NTRK2: variants seen among roughly 807,000 people sequenced by gnomAD.
NTRK2 encodes the protein BDNF/NT-3 growth factors receptor.
In NTRK2, 13 loss-of-function variants were observed where a neutral mutation model predicts 94.5. That is an observed-to-expected ratio of 0.14 (90% CI 0.09 to 0.22). The LOEUF (loss-of-function observed/expected upper bound fraction) is 0.22, where lower values mean the gene tolerates loss of function less well. NTRK2 is among the 10% of genes least tolerant of loss of function. NTRK2 has a pLI of 1.00. For synonymous variants in NTRK2, 372 were observed against 407.4 expected, an observed-to-expected ratio of 0.91 and a Z score of 1.05; for missense variants, 639 against 1,071.2, an observed-to-expected ratio of 0.60 and a Z score of 5.63.
intron 12 of NTRK2, chr9:84,810,862 A>G: frequency 1.6e-6 from 2 of 1,268,886 alleles, no homozygotes; most frequent in Non-Finnish European, 2.0e-6. Flanking sequence ...AGTAGTTCAA[A>G]TACAAAACTG....
chr9:84,674,183 T>A (rs1483441178), intron 2 of NTRK2, among the ~76,000 whole-genome samples: 1 of 152,198 alleles, frequency 6.6e-6, no homozygotes, highest in Non-Finnish European at 1.5e-5. Flanking sequence ...TGTGTATCCA[T>A]GTTGCTGTGG....
intron 9 of NTRK2, among the ~76,000 whole-genome samples, chr9:84,735,420 T>C (rs2063187528): frequency 6.6e-6 from 1 of 152,172 alleles, no homozygotes; most frequent in African/African-American, 2.4e-5. Flanking sequence ...GTACTGCTGG[T>C]CCATGGATCA....
At chr9:84,873,876 A>G in intron 14 of NTRK2, 1 of 1,060,962 alleles carries the variant, frequency 9.4e-7, no homozygotes. Flanking sequence ...AAAAACAAAA[A>G]TAAAGATTAT....
intron 12 of NTRK2, among the ~76,000 whole-genome samples, chr9:84,857,680 T>C (rs2075133064): frequency 6.6e-6 from 1 of 152,214 alleles, no homozygotes; most frequent in South Asian, 2.1e-4. Context: ...TAAACAGAAC[T>C]TAGACATAGT....
intron 2 of NTRK2, among the ~76,000 whole-genome samples, chr9:84,688,448 C>T (rs1166559099): frequency 6.6e-6 from 1 of 152,120 alleles, no homozygotes; most frequent in Non-Finnish European, 1.5e-5. Context: ...GTGCCCCACC[C>T]TCTCTTCAGG....
chr9:84,753,857 AC>A (rs2064849075), intron 12 of NTRK2, among the ~76,000 whole-genome samples: 1 of 152,152 alleles, frequency 6.6e-6, no homozygotes, highest in Admixed American at 6.5e-5. Context: ...GAGAGGATAT[AC>A]CCAGGTTCTT....
intron 2 of NTRK2, among the ~76,000 whole-genome samples, chr9:84,696,812 G>A (rs1336436422): frequency 1.3e-5 from 2 of 152,080 alleles, no homozygotes; most frequent in African/African-American, 4.8e-5. Flanking sequence ...GGAGGGTCCT[G>A]GGATAGATTT....
At chr9:84,702,106 G>A (rs1482622805) in intron 2 of NTRK2, 53 bp from the exon 3 acceptor site, 2 of 1,530,424 alleles carry the variant, frequency 1.3e-6, no homozygotes, top group Non-Finnish European at 1.8e-6. Flanking sequence ...GTTCTTCATG[G>A]TGCTGCTGCC....
chr9:84,730,771 A>C (rs1303410581), intron 9 of NTRK2, among the ~76,000 whole-genome samples: 7 of 108,894 alleles, frequency 6.4e-5, no homozygotes, highest in Non-Finnish European at 1.1e-4. Context: ...CTAAAGAAAA[A>C]TAAACAAATA....
At chr9:84,759,042 T>C (rs1358539789) in intron 12 of NTRK2, among the ~76,000 whole-genome samples, 1 of 152,160 alleles carries the variant, frequency 6.6e-6, no homozygotes, top group Non-Finnish European at 1.5e-5. Context: ...ATCTCAGCAC[T>C]CTCTTAAGAG....
In NTRK2 at chr9:84,707,074, C is replaced by G. The variant is rs532835557; in HGVS notation, c.360-770C>G. 2.6e-5 allele frequency among the ~76,000 whole-genome samples: 4 copies of G among 152,270 alleles called. No homozygotes were observed. In the East Asian group the frequency reaches 5.8e-4, roughly 22 times the overall value. Reference sequence around the variant, plus strand: ...TGAGTCGGCTGCCAGGGTTATGGCTCTGAGTTTCCTACCCCAAAATCTCAT... The same window carrying G: ...TGAGTCGGCTGCCAGGGTTATGGCTGTGAGTTTCCTACCCCAAAATCTCAT... On this transcript the variant is annotated intron_variant, in intron 4 of 18. Transcript: ENST00000277120.
At chr9:84,890,086 C>G (rs1418489102) in intron 14 of NTRK2, among the ~76,000 whole-genome samples, 1 of 152,176 alleles carries the variant, frequency 6.6e-6, no homozygotes, top group Admixed American at 6.5e-5. Context: ...TTCTTTAGTT[C>G]TTTTGCATCT....
rs114701463 is a variant in NTRK2, at chr9:84,931,020, T to C, written c.1634-3142T>C. 9.6e-3 allele frequency among the ~76,000 whole-genome samples: 1,456 copies of C among 152,292 alleles called. 23 individuals are homozygous for C. Among genetic ancestry groups the C allele is most frequent in the African/African-American group, 0.032 (1,350 of 41,554 alleles). On this transcript the variant is annotated intron_variant, in intron 14 of 18. Transcript: ENST00000277120. Reference sequence around the variant, plus strand: ...TATTAAACATATTTTTTCACAGATATTTATAAATCACCAATTGTATGCACA... The same window carrying C: ...TATTAAACATATTTTTTCACAGATACTTATAAATCACCAATTGTATGCACA...
intron 17 of NTRK2, among the ~76,000 whole-genome samples, chr9:84,990,386 C>G (rs567159416): frequency 3.3e-5 from 5 of 152,164 alleles, no homozygotes; most frequent in Admixed American, 2.6e-4. Context: ...ACAAATAAGG[C>G]TTTTCTCTGC....
chr9:84,949,896 A>C (rs1385947068), intron 16 of NTRK2, among the ~76,000 whole-genome samples: 1 of 152,216 alleles, frequency 6.6e-6, no homozygotes, highest in East Asian at 1.9e-4. Flanking sequence ...ATCTGGGAAG[A>C]AAGGTCAAGT....
intron 12 of NTRK2, among the ~76,000 whole-genome samples, chr9:84,791,757 A>G (rs1002696030): frequency 6.6e-6 from 1 of 152,242 alleles, no homozygotes; most frequent in East Asian, 1.9e-4. Flanking sequence ...TAGAGATTAG[A>G]ATCTCATAGT....
intron 12 of NTRK2, among the ~76,000 whole-genome samples, chr9:84,837,114 ATGTTACT>A (rs1355239925): frequency 1.7e-4 from 26 of 151,986 alleles, no homozygotes; most frequent in African/African-American, 5.8e-4. Flanking sequence ...ATAAGAAGAA[ATGTTACT>A]TGTTATTTTA....
In NTRK2 at chr9:84,866,652, T is replaced by C. The variant is rs2075609218; in HGVS notation, c.1445-591T>C. On this transcript the variant is annotated intron_variant, in intron 13 of 18. Coordinates refer to ENST00000277120, the MANE Select transcript of NTRK2 (RefSeq NM_006180.6). ...GGAATATAAAATGGTGCAGCCACTTTGGAAAACAGTTTGGCAGTTCCTCAA... is the reference window on the plus strand; with the variant it reads ...GGAATATAAAATGGTGCAGCCACTTCGGAAAACAGTTTGGCAGTTCCTCAA... Among the ~76,000 whole-genome samples the C allele has an allele frequency of 2.0e-5, 3 of 152,340 alleles. No homozygotes were observed. The South Asian group carries it at 6.2e-4, about 32-fold the overall frequency.
In NTRK2 at chr9:85,023,158, T is replaced by C. The variant is rs1832867308; in HGVS notation, c.*1721T>C. The C allele has an allele frequency of 4.3e-6, 1 of 232,870 alleles. No homozygotes were observed. Among genetic ancestry groups the C allele is most frequent in the African/African-American group, 2.2e-5 (1 of 45,322 alleles). The allele number at this position is 232,870 out of a possible 1,614,324, so 14.4% of individuals were successfully genotyped here. On this transcript the variant is annotated 3_prime_UTR_variant, in exon 19 of 19. Transcript: ENST00000277120. ...TGCAAAAAGAGGGCTCAAATTTAAA[T>C]AGAAATTTACAGCTATTTGAATGGT...
Sources: allele counts gnomAD v4.1 joint callset (sites outside exome capture counted in the v4.1 genomes callset), GRCh38; gene constraint gnomAD v4.1.1; transcripts MANE v1.5; gene names NCBI Gene and HGNC (gene_info 2026-07-23, HGNC 2026-07-21).